The following CNTN4 variants were observed in gnomAD, a reference collection of about 807,000 sequenced individuals.
CNTN4 encodes contactin-4.
A neutral mutation model predicts 122.5 loss-of-function variants in CNTN4; 77 were observed. That is an observed-to-expected ratio of 0.63 (90% CI 0.52 to 0.76). The LOEUF is 0.76. CNTN4 is among the 30% of genes least tolerant of loss of function. CNTN4 has a pLI of 0.00. For synonymous variants in CNTN4, 512 were observed against 447.0 expected (o/e 1.15, Z -1.83); for missense variants, 1,256 against 1,259.1 (o/e 1.00, Z 0.04).
intron 4 of CNTN4, among the ~76,000 whole-genome samples, chr3:2,676,678 G>T (rs1314031679): frequency 1.3e-5 from 2 of 152,166 alleles, no homozygotes; most frequent in South Asian, 2.1e-4. Flanking sequence ...AACGACATGG[G>T]AATTTTTTCA....
At chr3:2,180,868 G>A (rs1179522566) in intron 2 of CNTN4, among the ~76,000 whole-genome samples, 3 of 152,076 alleles carry the variant, frequency 2.0e-5, no homozygotes, top group African/African-American at 4.8e-5. Flanking sequence ...GACAGAGTCT[G>A]TAAGACAATC....
chr3:2,477,721 T>C (rs1575721610), intron 3 of CNTN4, among the ~76,000 whole-genome samples: 1 of 152,206 alleles, frequency 6.6e-6, no homozygotes, highest in Admixed American at 6.5e-5. Context: ...ACACAGATGA[T>C]TTTACCAATA....
At chr3:2,711,058 G>A (rs1435189889) in intron 4 of CNTN4, among the ~76,000 whole-genome samples, 3 of 152,208 alleles carry the variant, frequency 2.0e-5, no homozygotes, top group African/African-American at 7.2e-5. Context: ...CCAAAGTAGA[G>A]ATCTAATATT....
At chr3:2,840,458 T>TG (rs2150496502) in intron 7 of CNTN4, among the ~76,000 whole-genome samples, 1 of 150,502 alleles carries the variant, frequency 6.6e-6, no homozygotes, top group South Asian at 2.1e-4. Context: ...CCCAGCACTT[T>TG]GGGAGGCCGA....
intron 13 of CNTN4, among the ~76,000 whole-genome samples, chr3:2,932,785 G>A (rs921149578): frequency 4.0e-5 from 6 of 150,472 alleles, no homozygotes; most frequent in Non-Finnish European, 7.4e-5. Context: ...GGACAAAGAT[G>A]CAGATGCTTA....
At chr3:2,338,461 T>G (rs1253414597) in intron 2 of CNTN4, among the ~76,000 whole-genome samples, 1 of 151,948 alleles carries the variant, frequency 6.6e-6, no homozygotes, top group Non-Finnish European at 1.5e-5. Context: ...ACATAAAATT[T>G]TATTTTCAGT....
At chr3:2,677,296 C>T (rs1278892192) in intron 4 of CNTN4, among the ~76,000 whole-genome samples, 7 of 149,466 alleles carry the variant, frequency 4.7e-5, no homozygotes, top group Non-Finnish European at 5.9e-5. Flanking sequence ...ACCAGACATC[C>T]AGTGAATACA....
intron 3 of CNTN4, among the ~76,000 whole-genome samples, chr3:2,374,098 G>A (rs908252808): frequency 6.6e-6 from 1 of 152,140 alleles, no homozygotes; most frequent in Non-Finnish European, 1.5e-5. Flanking sequence ...AAAGAAGATG[G>A]TTCTTTTGTA....
chr3:2,733,052 A>G (rs1319543002), intron 4 of CNTN4, among the ~76,000 whole-genome samples: 2 of 152,218 alleles, frequency 1.3e-5, no homozygotes, highest in African/African-American at 4.8e-5. Context: ...TCTTTTTGTT[A>G]TTTAAATATT....
intron 2 of CNTN4, among the ~76,000 whole-genome samples, chr3:2,227,228 C>T (rs1035528711): frequency 6.6e-6 from 1 of 152,086 alleles, no homozygotes; most frequent in Non-Finnish European, 1.5e-5. Context: ...CTTTACATTC[C>T]TATATTTTCA....
At chr3:2,700,965 T>G (rs2086325110) in intron 4 of CNTN4, among the ~76,000 whole-genome samples, 1 of 152,222 alleles carries the variant, frequency 6.6e-6, no homozygotes, top group Non-Finnish European at 1.5e-5. Flanking sequence ...TTGTGTAGCT[T>G]GTCCAAAGTG....
At chr3:2,716,882 T>G (rs2087527983) in intron 4 of CNTN4, among the ~76,000 whole-genome samples, 1 of 152,194 alleles carries the variant, frequency 6.6e-6, no homozygotes. Context: ...ATGCAATATG[T>G]GACCTTCTGT....
intron 2 of CNTN4, among the ~76,000 whole-genome samples, chr3:2,105,121 C>T (rs2125101564): frequency 6.6e-6 from 1 of 152,132 alleles, no homozygotes; most frequent in East Asian, 1.9e-4. Context: ...AGTTGGGCTC[C>T]ATGTATGCCT....
intron 2 of CNTN4, among the ~76,000 whole-genome samples, chr3:2,296,690 A>G (rs74443588): frequency 0.091 from 13,915 of 152,128 alleles, 724 homozygotes; most frequent in Non-Finnish European, 0.12. Context: ...GTATAGAACA[A>G]AAGGGCACAA....
intron 4 of CNTN4, among the ~76,000 whole-genome samples, chr3:2,635,002 C>A (rs1489508266): frequency 6.6e-6 from 1 of 152,110 alleles, no homozygotes; most frequent in African/African-American, 2.4e-5. Flanking sequence ...TGAAGGGATT[C>A]GTTTCATGTA....
intron 4 of CNTN4, among the ~76,000 whole-genome samples, chr3:2,602,322 A>G (rs971692924): frequency 6.6e-6 from 1 of 152,204 alleles, no homozygotes; most frequent in African/African-American, 2.4e-5. Flanking sequence ...TGCAGATGAC[A>G]TGATTGTATA....
intron 3 of CNTN4, among the ~76,000 whole-genome samples, chr3:2,421,283 G>T (rs1575594160): frequency 7.0e-6 from 1 of 143,876 alleles, no homozygotes; most frequent in African/African-American, 2.6e-5. Flanking sequence ...CTAGGAGTCT[G>T]GCTCTGTTGC....
chr3:2,444,543 C>T (rs77373166), intron 3 of CNTN4, among the ~76,000 whole-genome samples: 359 of 152,188 alleles, frequency 2.4e-3, no homozygotes, highest in African/African-American at 8.0e-3. Context: ...GCAGAAATGG[C>T]GAGTGTAGAG....
intron 7 of CNTN4, among the ~76,000 whole-genome samples, chr3:2,834,059 T>C (rs908882488): frequency 1.3e-5 from 2 of 151,862 alleles, no homozygotes; most frequent in South Asian, 4.2e-4. Flanking sequence ...GGCAGGAGAA[T>C]CACTTGATCA....
Sources: gnomAD v4.1 joint callset for allele counts (sites outside exome capture counted in the v4.1 genomes callset) on GRCh38, gnomAD v4.1.1 for gene constraint, MANE v1.5 for transcripts, NCBI Gene and HGNC (gene_info 2026-07-23, HGNC 2026-07-21) for gene names.